SEMA4F: variants seen among roughly 807,000 people sequenced by gnomAD.
The protein encoded by SEMA4F is semaphorin-4F.
In SEMA4F, 51 loss-of-function variants were observed where a neutral mutation model predicts 78.4. The observed-to-expected ratio is 0.65, with a 90% CI of 0.52 to 0.82. The LOEUF (loss-of-function observed/expected upper bound fraction) is 0.82, where lower values mean the gene tolerates loss of function less well. Among genes scored for constraint, SEMA4F ranks in the 40% least tolerant of loss-of-function variants. The pLI, the probability that SEMA4F is intolerant of heterozygous loss-of-function variation, is 0.00. For missense variants in SEMA4F, 938 were observed against 1,014.4 expected (o/e 0.92, Z 1.02); for synonymous variants, 418 against 408.7 (o/e 1.02, Z -0.27).
At chr2:74,696,247 G>A in the SEMA4F span, among the ~76,000 whole-genome samples, 1 of 142,020 alleles carries the variant, frequency 7.0e-6, no homozygotes, top group East Asian at 2.1e-4. Flanking sequence ...CCAGGCTGGA[G>A]TGCAGTGGTA....
chr2:74,694,917 A>G, the SEMA4F span, among the ~76,000 whole-genome samples: 1 of 152,316 alleles, frequency 6.6e-6, no homozygotes, highest in East Asian at 1.9e-4. Context: ...CAGTTTATTT[A>G]TCCACTCGCC....
rs1367026978 is a variant in SEMA4F, at chr2:74,682,765, G to A, written c.*2556G>A. On this transcript the variant is annotated 3_prime_UTR_variant, in exon 14 of 14. Coordinates refer to ENST00000357877, the MANE Select transcript of SEMA4F (RefSeq NM_004263.5). ...GGGGACTGGGCTTCCTGTGGGGAGT[G>A]GGAGAGAAGAGTTTTTCAAGGAGGA... is the stretch of plus-strand genomic sequence containing the variant. The A allele has an allele frequency of 6.6e-6, 1 of 152,266 alleles. No individual in the cohort carries two copies. The highest frequency in any genetic ancestry group is 2.4e-5 in the African/African-American group (1 of 41,418). 9.4% of individuals were successfully genotyped at this position (152,266 alleles called of 1,614,324 possible).
intron 7 of SEMA4F, 69 bp from the exon 8 acceptor site, chr2:74,674,429 A>G: frequency 6.9e-7 from 1 of 1,446,910 alleles, no homozygotes; most frequent in Non-Finnish European, 9.4e-7. Context: ...GGAAACTTAA[A>G]TTGGTCTCCA....
At chr2:74,661,883 G>C (rs1484311608) in intron 4 of SEMA4F, among the ~76,000 whole-genome samples, 1 of 152,152 alleles carries the variant, frequency 6.6e-6, no homozygotes, top group Non-Finnish European at 1.5e-5. Flanking sequence ...ATCATCCCTG[G>C]CATTTCCGTG....
At chr2:74,706,951 G>A in the SEMA4F span, among the ~76,000 whole-genome samples, 1 of 152,146 alleles carries the variant, frequency 6.6e-6, no homozygotes, top group Non-Finnish European at 1.5e-5. Context: ...AGGATCCCTG[G>A]TAGGCCACTC....
chr2:74,664,770 A>G (rs180755353), intron 5 of SEMA4F, among the ~76,000 whole-genome samples: 3 of 152,290 alleles, frequency 2.0e-5, no homozygotes, highest in African/African-American at 7.2e-5. Flanking sequence ...CTTCTTTGGT[A>G]AATCCTCTGC....
At chr2:74,685,901 AT>A (rs1685812909), downstream of SEMA4F, among the ~76,000 whole-genome samples, 1 of 152,204 alleles carries the variant, frequency 6.6e-6, no homozygotes, top group Non-Finnish European at 1.5e-5. Flanking sequence ...TGAGCAAAGG[AT>A]ATGAACAGAC....
chr2:74,688,806 G>T (rs1489477034), downstream of SEMA4F, among the ~76,000 whole-genome samples: 2 of 152,130 alleles, frequency 1.3e-5, no homozygotes, highest in Non-Finnish European at 2.9e-5. Flanking sequence ...TGAATTTTAT[G>T]TATAAGTATG....
At chr2:74,665,887 C>G (rs574309799) in intron 5 of SEMA4F, among the ~76,000 whole-genome samples, 11 of 150,842 alleles carry the variant, frequency 7.3e-5, no homozygotes, top group African/African-American at 2.4e-4. Context: ...ACTTTTGTTT[C>G]AAGCAGTAAT....
At chr2:74,688,879 TA>T in the SEMA4F span, among the ~76,000 whole-genome samples, 3 of 152,198 alleles carry the variant, frequency 2.0e-5, no homozygotes, top group Admixed American at 6.5e-5. Flanking sequence ...TCAATTGATT[TA>T]AAAAAATAGA....
intron 1 of SEMA4F, among the ~76,000 whole-genome samples, chr2:74,654,958 C>G (rs1455701964): frequency 2.0e-5 from 3 of 152,252 alleles, no homozygotes; most frequent in Non-Finnish European, 2.9e-5. Flanking sequence ...GACGCCCACT[C>G]TGCTTTCAGA....
Position 74,665,265 on chromosome 2 carries a change from T to C in SEMA4F, c.550+2440T>C, listed in dbSNP as rs554157126. The stretch of plus-strand genomic sequence containing the variant: ...TTTTTTTTGAGACAGAGTCTTGATC[T>C]CTTGCCCAGGCTGGAGTGCAGTGGC... On this transcript the variant is annotated intron_variant, in intron 5 of 13. Transcript: ENST00000357877. 9.8e-4 allele frequency among the ~76,000 whole-genome samples: 147 copies of C among 149,792 alleles called. 1 individual carries two copies. Among genetic ancestry groups the C allele is most frequent in the African/African-American group, 3.5e-3 (140 of 40,500 alleles).
intron 1 of SEMA4F, 92 bp downstream of exon 1, chr2:74,654,613 C>A: frequency 8.5e-7 from 1 of 1,178,810 alleles, no homozygotes; most frequent in Non-Finnish European, 1.1e-6. Context: ...GGACCCGGGC[C>A]TCTCAGCCTG....
At chr2:74,666,606 G>A (rs897372527) in intron 5 of SEMA4F, among the ~76,000 whole-genome samples, 6 of 152,080 alleles carry the variant, frequency 3.9e-5, no homozygotes, top group Non-Finnish European at 7.4e-5. Flanking sequence ...TTACTTTACA[G>A]GGTTATAATT....
At chr2:74,706,301 A>G in the SEMA4F span, among the ~76,000 whole-genome samples, 2 of 152,220 alleles carry the variant, frequency 1.3e-5, no homozygotes, top group African/African-American at 4.8e-5. Flanking sequence ...TCTGACGCCA[A>G]AGAACTTATC....
At chr2:74,696,235 G>A in the SEMA4F span, among the ~76,000 whole-genome samples, 16 of 116,868 alleles carry the variant, frequency 1.4e-4, no homozygotes, top group African/African-American at 4.1e-4. Flanking sequence ...TCACTCTTTC[G>A]CCCAGGCTGG....
chr2:74,684,029 C>T (rs1685752321), downstream of SEMA4F, among the ~76,000 whole-genome samples: 1 of 151,748 alleles, frequency 6.6e-6, no homozygotes. Context: ...TTCCCTCCAA[C>T]CTTTTGCAGG....
the SEMA4F span, among the ~76,000 whole-genome samples, chr2:74,698,540 T>C: frequency 1.3e-5 from 2 of 152,334 alleles, no homozygotes; most frequent in South Asian, 4.1e-4. Context: ...CCCAGCCTGG[T>C]TGTCAGGCCA....
intron 2 of SEMA4F, among the ~76,000 whole-genome samples, chr2:74,657,341 A>C (rs950028261): frequency 6.6e-6 from 1 of 152,216 alleles, no homozygotes; most frequent in South Asian, 2.1e-4. Flanking sequence ...TATGTGATAC[A>C]TTTTGATATA....
Sources: allele counts gnomAD v4.1 joint callset (sites outside exome capture counted in the v4.1 genomes callset), GRCh38; gene constraint gnomAD v4.1.1; transcripts MANE v1.5; gene names NCBI Gene and HGNC (gene_info 2026-07-23, HGNC 2026-07-21).